Variants in MFSD8 observed in about 807,000 individuals in gnomAD.
MFSD8 encodes major facilitator superfamily domain-containing protein 8.
Under a neutral mutation model 66.4 loss-of-function variants are expected in MFSD8, and 55 were observed. That is an observed-to-expected ratio of 0.83 (90% confidence interval 0.67 to 1.04). MFSD8 has a LOEUF of 1.04. Ranked by LOEUF, MFSD8 falls within the 50% of genes least tolerant of loss-of-function variation. The pLI is 0.00. For synonymous variants in MFSD8, 202 were observed against 212.8 expected (o/e 0.95, Z 0.44); for missense variants, 550 against 627.6 (o/e 0.88, Z 1.32).
rs1464046484 is a variant in MFSD8 at position 127,921,564 on chromosome 4, G to T, written c.1310C>A (p.Ser437Tyr). The part of the protein sequence containing the change: ...GLGYPVCNLM[S>Y]YTLYSKILGP... ...TAGAATTTTTGAATATAGAGTATAGGACATAAGATTGCAGACTGGATAGCC... is the reference window on the plus strand; with the variant it reads ...TAGAATTTTTGAATATAGAGTATAGTACATAAGATTGCAGACTGGATAGCC... Residue 437 changes from serine to tyrosine, a missense_variant, in exon 11 of 12, where the codon TCC becomes TAC. By Grantham distance (144) the Ser-to-Tyr change is moderately radical (BLOSUM62 -2). Coordinates refer to ENST00000641686, the MANE Select transcript of MFSD8 (RefSeq NM_001371596.2). The T allele has an allele frequency of 6.2e-6, 10 of 1,614,140 alleles. No individual in the cohort carries two copies. The highest frequency in any genetic ancestry group is 1.3e-5 in the African/African-American group (1 of 75,040).
rs1740605725 is a variant in MFSD8 at position 127,943,850 on chromosome 4, G to A, written c.341C>T (p.Ser114Phe). ...KEPLIVSILISVAANCLYAYL... is the reference protein window; with the variant it reads ...KEPLIVSILIFVAANCLYAYL... Reference sequence around the variant, plus strand: ...TGCATAGAGGCAGTTGGCTGCCACGGAAATCAAGATGGAGACAATAAGAGG... The same window carrying A: ...TGCATAGAGGCAGTTGGCTGCCACGAAAATCAAGATGGAGACAATAAGAGG... Residue 114 changes from serine (S) to phenylalanine (F), a missense_variant, in exon 4 of 12, where the codon TCC (serine) becomes TTC (phenylalanine). Physicochemically the swap from Ser to Phe is radical, Grantham distance 155. Transcript: ENST00000641686. 6.2e-7 allele frequency: 1 copy of A among 1,614,050 alleles called. No individual in the cohort carries two copies.
chr4:127,963,851 G>A (rs1261258739), intron 1 of MFSD8, among the ~76,000 whole-genome samples: 1 of 152,160 alleles, frequency 6.6e-6, no homozygotes, highest in East Asian at 1.9e-4. Context: ...CTGCTGATTG[G>A]TAGAGCCGAG....
At chr4:127,953,718 C>T (rs1194832273) in intron 2 of MFSD8, among the ~76,000 whole-genome samples, 3 of 151,646 alleles carry the variant, frequency 2.0e-5, no homozygotes, top group East Asian at 2.0e-4. Context: ...CTCCTGACCT[C>T]GTGATCCGCC....
At chr4:127,936,259 G>A (rs1026145342) in intron 7 of MFSD8, among the ~76,000 whole-genome samples, 6 of 151,958 alleles carry the variant, frequency 3.9e-5, no homozygotes, top group South Asian at 2.1e-4. Flanking sequence ...GATTACAGGC[G>A]CCTGCCATCA....
rs188863078 is a variant in MFSD8 at position 127,927,422 on chromosome 4, C to A, written c.998+3261G>T. Among the ~76,000 whole-genome samples, 335 of 152,266 alleles carry A rather than the reference C, an allele frequency of 2.2e-3. 1 individual carries two copies. The highest frequency in any genetic ancestry group is 3.8e-3 in the Non-Finnish European group (257 of 68,016). ...AACTTCTGACCTCAGGTGATCTGCC[C>A]GCCTTGGCCTCCCAAAGTGCTGGGA... is the stretch of plus-strand genomic sequence containing the variant. On this transcript the variant is annotated intron_variant, in intron 9 of 11. Transcript: ENST00000641686.
At chr4:127,944,139 G>C (rs1740656742) in intron 3 of MFSD8, 147 bp from the exon 4 acceptor site, 1 of 1,101,346 alleles carries the variant, frequency 9.1e-7, no homozygotes, top group Non-Finnish European at 1.3e-6. Context: ...TTATAGTAAG[G>C]GATTCAAACT....
chr4:127,920,799 C>T lies in MFSD8; in HGVS notation c.1388G>A (p.Gly463Glu). The change falls in exon 12 of 12, where the codon GGA becomes GAA. Residue 463 changes from glycine (G) to glutamate (E), a missense_variant. By Grantham distance (98) the Gly-to-Glu change is moderately conservative (BLOSUM62 -2). Transcript: ENST00000641686. The part of the protein sequence containing the change: ...YMGWLTASGS[G>E]ARILGPMFIS... Reference sequence around the variant, plus strand: ...GAACATAGGCCCAAGAATCCGGGCTCCACTTCCAGATGCTGTTAACCAGCC... The same window carrying T: ...GAACATAGGCCCAAGAATCCGGGCTTCACTTCCAGATGCTGTTAACCAGCC... 1.2e-6 allele frequency: 2 copies of T among 1,614,020 alleles called. No homozygotes were observed. Among genetic ancestry groups the T allele is most frequent in the South Asian group, 2.2e-5 (2 of 91,062 alleles).
chr4:127,937,317 C>T (rs189327104), intron 7 of MFSD8, among the ~76,000 whole-genome samples: 2 of 152,238 alleles, frequency 1.3e-5, no homozygotes, highest in Non-Finnish European at 2.9e-5. Context: ...TTCATCTAAC[C>T]TCCCTTCCTA....
At chr4:127,957,719 G>A (rs1302267334) in intron 1 of MFSD8, 127 bp from the exon 2 acceptor site, 1 of 665,672 alleles carries the variant, frequency 1.5e-6, no homozygotes, top group Admixed American at 2.8e-5. Flanking sequence ...TATTGATTCT[G>A]CTACACTAAT....
chr4:127,945,126 T>C (rs1179029061), intron 3 of MFSD8, among the ~76,000 whole-genome samples: 6 of 152,132 alleles, frequency 3.9e-5, no homozygotes, highest in Non-Finnish European at 8.8e-5. Flanking sequence ...ACTATGACTG[T>C]ACCTGTGAAA....
At chr4:127,947,730 G>A (rs955169408) in intron 3 of MFSD8, among the ~76,000 whole-genome samples, 6 of 152,054 alleles carry the variant, frequency 3.9e-5, no homozygotes, top group Admixed American at 6.6e-5. Flanking sequence ...AGTAAAAAGG[G>A]AGACAAATGT....
chr4:127,930,807 G>A lies in MFSD8; in HGVS notation c.874C>T (p.Pro292Ser), dbSNP rs200631121. 4 of 1,607,646 alleles carry A rather than the reference G, an allele frequency of 2.5e-6. No homozygotes were observed. Among genetic ancestry groups the A allele is most frequent in the Admixed American group, 3.4e-5 (2 of 59,332 alleles). ...IFALFETIITPLTMDMYAWTQ... is the reference protein window; with the variant it reads ...IFALFETIITSLTMDMYAWTQ... ...CAGGCATACATATCCATTGTTAATG[G>A]AGTAATGATGCTAAGAAAAAAAAAA... is the stretch of plus-strand genomic sequence containing the variant. The change falls in exon 9 of 12, where the codon CCA (proline) becomes TCA (serine). Residue 292 changes from proline to serine, a missense_variant. By Grantham distance (74) the Pro-to-Ser change is moderately conservative. Coordinates refer to ENST00000641686, the MANE Select transcript of MFSD8 (RefSeq NM_001371596.2).
chr4:127,933,952 ATTACATGTGGT>A (rs934517686), intron 7 of MFSD8, among the ~76,000 whole-genome samples: 5 of 152,128 alleles, frequency 3.3e-5, no homozygotes, highest in South Asian at 2.1e-4. Flanking sequence ...AGCAGGTGGG[ATTACATGTGGT>A]TTACATGTGG....
chr4:127,927,774 A>C (rs1737461883), intron 9 of MFSD8, among the ~76,000 whole-genome samples: 1 of 150,678 alleles, frequency 6.6e-6, no homozygotes, highest in Admixed American at 6.6e-5. Context: ...GCAGCCTCAA[A>C]CTCCTGGGTT....
At chr4:127,965,483 C>A (rs1744971717), upstream of MFSD8, 1 of 417,406 alleles carries the variant, frequency 2.4e-6, no homozygotes, top group African/African-American at 2.0e-5. Context: ...ATTTCGGTTC[C>A]TGGAAAGGTT....
chr4:127,929,147 C>T (rs1187904337), intron 9 of MFSD8, among the ~76,000 whole-genome samples: 4 of 150,326 alleles, frequency 2.7e-5, no homozygotes. Context: ...TGGTGAAATC[C>T]GTCTGTACTA....
chr4:127,951,362 TG>T (rs1400770514), intron 2 of MFSD8, among the ~76,000 whole-genome samples: 1 of 152,140 alleles, frequency 6.6e-6, no homozygotes, highest in Non-Finnish European at 1.5e-5. Flanking sequence ...CCCGAGCAGC[TG>T]GGATTACAGG....
upstream of MFSD8, chr4:127,965,214 A>C: frequency 6.4e-7 from 1 of 1,565,452 alleles, no homozygotes; most frequent in East Asian, 2.3e-5. Context: ...TGAAGCTGGC[A>C]AAACAAGCCT....
At chr4:127,949,215 T>C (rs1403444156) in intron 3 of MFSD8, among the ~76,000 whole-genome samples, 1 of 152,210 alleles carries the variant, frequency 6.6e-6, no homozygotes, top group Non-Finnish European at 1.5e-5. Flanking sequence ...AACCAACTTA[T>C]ATACTGATTT....
Sources: allele counts gnomAD v4.1 joint callset (sites outside exome capture counted in the v4.1 genomes callset), GRCh38; gene constraint gnomAD v4.1.1; transcripts MANE v1.5; gene names NCBI Gene and HGNC (gene_info 2026-07-23, HGNC 2026-07-21).